HS2ST1: variants seen among roughly 807,000 people sequenced by gnomAD.
The protein encoded by HS2ST1 is 2-O-sulfotransferase.
Under a neutral mutation model 42.9 loss-of-function variants are expected in HS2ST1, and 18 were observed. The ratio of observed to expected loss-of-function variants is 0.42; its 90% CI spans 0.29 to 0.62. The LOEUF is 0.62. Among genes scored for constraint, HS2ST1 ranks in the 20% least tolerant of loss-of-function variants. The pLI, the probability that HS2ST1 is intolerant of heterozygous loss-of-function variation, is 0.21. For synonymous variants in HS2ST1, 146 were observed against 152.9 expected (o/e 0.95, Z 0.33); for missense variants, 334 against 433.8 (o/e 0.77, Z 2.04).
chr1:87,034,075 TGTA>T (rs559472823), intron 1 of HS2ST1, among the ~76,000 whole-genome samples: 4 of 152,196 alleles, frequency 2.6e-5, no homozygotes, highest in African/African-American at 4.8e-5. Context: ...AATATAAAGA[TGTA>T]GTAATAGTTC....
chr1:86,927,780 G>A (rs929234799), intron 1 of HS2ST1, among the ~76,000 whole-genome samples: 12 of 152,134 alleles, frequency 7.9e-5, no homozygotes, highest in African/African-American at 2.9e-4. Context: ...AACTACTTTT[G>A]AGTTGGGCTT....
intron 1 of HS2ST1, among the ~76,000 whole-genome samples, chr1:87,065,488 C>A (rs888997101): frequency 3.3e-5 from 5 of 152,188 alleles, no homozygotes; most frequent in African/African-American, 1.2e-4. Context: ...TGCATACTTA[C>A]CAGTGTCTTT....
chr1:87,079,259 TC>T (rs988090067), intron 2 of HS2ST1, among the ~76,000 whole-genome samples: 6 of 151,998 alleles, frequency 3.9e-5, no homozygotes, highest in African/African-American at 1.4e-4. Context: ...TGTCTCAGCC[TC>T]CCGTGTAGCT....
Position 87,097,820 on chromosome 1 carries a change from G to A in HS2ST1, c.589-18G>A. 6.2e-7 allele frequency: 1 copy of A among 1,613,654 alleles called. No homozygotes were observed. Among genetic ancestry groups the A allele is most frequent in the Non-Finnish European group, 8.5e-7 (1 of 1,179,742 alleles). ...CTTGGATTTATGGCTTACCCGTGCT[G>A]CTTTGTCTTTGTTCTAGACCTTTGA... On this transcript the variant is annotated intron_variant, in intron 4 of 6. Coordinates refer to ENST00000370550, the MANE Select transcript of HS2ST1 (RefSeq NM_012262.4).
intron 1 of HS2ST1, among the ~76,000 whole-genome samples, chr1:86,962,236 AT>A (rs1195528826): frequency 6.6e-6 from 1 of 152,208 alleles, no homozygotes; most frequent in Admixed American, 6.5e-5. Flanking sequence ...TATGTACGGA[AT>A]TTTGTTGTGG....
chr1:86,925,695 C>T (rs561868063), intron 1 of HS2ST1, among the ~76,000 whole-genome samples: 1 of 152,320 alleles, frequency 6.6e-6, no homozygotes, highest in African/African-American at 2.4e-5. Context: ...CCTACCAGTT[C>T]CCTCCTGCAA....
At position 87,092,626 on chromosome 1, in the gene HS2ST1, A is replaced by T. The variant is rs1408785043; in HGVS notation, c.545A>T (p.Asp182Val). The change falls in exon 4 of 7, where the codon GAT becomes GTT. Residue 182 changes from aspartate to valine, a missense_variant. By Grantham distance (152) the Asp-to-Val change is radical. Coordinates refer to ENST00000370550, the MANE Select transcript of HS2ST1 (RefSeq NM_012262.4). Reference sequence around the variant, plus strand: ...TATTACTTTCTGAGATTTGGAGATGATTATAGACCAGGGTTACGGAGACGA... The same window carrying T: ...TATTACTTTCTGAGATTTGGAGATGTTTATAGACCAGGGTTACGGAGACGA... ...SYYYFLRFGDDYRPGLRRRKQ... is the reference protein window; with the variant it reads ...SYYYFLRFGDVYRPGLRRRKQ... 6 of 1,579,308 alleles carry T rather than the reference A, an allele frequency of 3.8e-6. No individual in the cohort carries two copies. Among genetic ancestry groups the T allele is most frequent in the Non-Finnish European group, 4.3e-6 (5 of 1,164,056 alleles).
At chr1:87,088,604 G>A (rs1346408253) in intron 3 of HS2ST1, among the ~76,000 whole-genome samples, 1 of 151,980 alleles carries the variant, frequency 6.6e-6, no homozygotes, top group Non-Finnish European at 1.5e-5. Context: ...GGATTGTATG[G>A]TAACTCAATA....
intron 1 of HS2ST1, among the ~76,000 whole-genome samples, chr1:87,009,079 A>G (rs1649519196): frequency 6.6e-6 from 1 of 152,184 alleles, no homozygotes; most frequent in African/African-American, 2.4e-5. Context: ...CCTGAGCTCA[A>G]GCGATCGCCC....
intron 3 of HS2ST1, among the ~76,000 whole-genome samples, chr1:87,092,018 G>C (rs1478114077): frequency 1.3e-5 from 2 of 152,066 alleles, no homozygotes; most frequent in Admixed American, 6.6e-5. Flanking sequence ...AATCTGGCTA[G>C]TGTGATGAGC....
chr1:86,963,946 T>A (rs1461436949), intron 1 of HS2ST1, among the ~76,000 whole-genome samples: 3 of 146,948 alleles, frequency 2.0e-5, no homozygotes, highest in African/African-American at 8.0e-5. Flanking sequence ...GAGACGCTCC[T>A]CACTTCCCAA....
intron 1 of HS2ST1, among the ~76,000 whole-genome samples, chr1:87,067,471 C>T (rs1570525775): frequency 6.6e-6 from 1 of 152,028 alleles, no homozygotes; most frequent in African/African-American, 2.4e-5. Flanking sequence ...GGTATTAGCC[C>T]TTTGTCAGAT....
intron 1 of HS2ST1, among the ~76,000 whole-genome samples, chr1:86,933,118 G>A (rs1660576096): frequency 6.6e-6 from 1 of 151,940 alleles, no homozygotes; most frequent in Admixed American, 6.6e-5. Flanking sequence ...TTTTTCATAT[G>A]GATTCTTTAG....
At chr1:86,915,193 G>A in intron 1 of HS2ST1, 33 bp downstream of exon 1, 1 of 1,595,462 alleles carries the variant, frequency 6.3e-7, no homozygotes, top group Non-Finnish European at 8.5e-7. Flanking sequence ...GCTGAGTGCT[G>A]TGGAAGGGGC....
chr1:87,048,698 A>G (rs1009533020), intron 1 of HS2ST1, among the ~76,000 whole-genome samples: 17 of 151,912 alleles, frequency 1.1e-4, no homozygotes, highest in Non-Finnish European at 2.4e-4. Context: ...GATTTTTATC[A>G]TGAATTGATG....
intron 1 of HS2ST1, among the ~76,000 whole-genome samples, chr1:87,009,661 T>C (rs952872561): frequency 1.3e-5 from 2 of 152,168 alleles, no homozygotes; most frequent in Non-Finnish European, 2.9e-5. Context: ...TGTGTTCTGC[T>C]CTGTACCCGC....
At chr1:87,033,424 T>G (rs1215251318) in intron 1 of HS2ST1, among the ~76,000 whole-genome samples, 1 of 152,238 alleles carries the variant, frequency 6.6e-6, no homozygotes, top group Non-Finnish European at 1.5e-5. Flanking sequence ...ACTACATTAC[T>G]TAGATTCTGT....
intron 1 of HS2ST1, among the ~76,000 whole-genome samples, chr1:87,005,390 A>G (rs1649407790): frequency 6.6e-6 from 1 of 151,976 alleles, no homozygotes; most frequent in Non-Finnish European, 1.5e-5. Context: ...ATTTTAACTA[A>G]TTGACTCTTA....
chr1:87,064,093 T>G (rs575649847), intron 1 of HS2ST1, among the ~76,000 whole-genome samples: 1 of 152,188 alleles, frequency 6.6e-6, no homozygotes, highest in South Asian at 2.1e-4. Flanking sequence ...GTACAGTTGG[T>G]GGGGGGGCCG....
Sources: allele counts gnomAD v4.1 joint callset (sites outside exome capture counted in the v4.1 genomes callset), GRCh38; gene constraint gnomAD v4.1.1; transcripts MANE v1.5; gene names NCBI Gene and HGNC (gene_info 2026-07-23, HGNC 2026-07-21).